The following ZNF385D variants were observed in gnomAD, a reference collection of about 807,000 sequenced individuals.
The protein encoded by ZNF385D is zinc finger protein 659.
Under a neutral mutation model 35.8 loss-of-function variants are expected in ZNF385D, and 15 were observed. That is an observed-to-expected ratio of 0.42 (90% confidence interval 0.28 to 0.64). The LOEUF (loss-of-function observed/expected upper bound fraction) is 0.64, where lower values mean the gene tolerates loss of function less well. Ranked by LOEUF, ZNF385D falls within the 30% of genes least tolerant of loss-of-function variation. ZNF385D has a pLI of 0.23. For synonymous variants in ZNF385D, 212 were observed against 186.8 expected (o/e 1.13, Z -1.10); for missense variants, 474 against 494.6 (o/e 0.96, Z 0.39).
Position 22,084,142 on chromosome 3 carries a change from C to G in ZNF385D, c.325+84675G>C, listed in dbSNP as rs143094423. Among the ~76,000 whole-genome samples the G allele has an allele frequency of 5.9e-5, 9 of 152,248 alleles. No homozygotes were observed. In the East Asian group the frequency reaches 1.5e-3, roughly 26 times the overall value. On this transcript the variant is annotated intron_variant, in intron 3 of 5. Transcript: ENST00000494108. ...ACTGCAAAAACATGCCAAATTGTAA[C>G]GACCATCGTTGCTAGGAAGAAATTG...
intron 3 of ZNF385D, among the ~76,000 whole-genome samples, chr3:21,989,845 T>C (rs1392224676): frequency 6.6e-6 from 1 of 152,208 alleles, no homozygotes; most frequent in African/African-American, 2.4e-5. Context: ...CACTTTCACA[T>C]GTCTGTTGAT....
chr3:21,552,506 A>C (rs920310316), intron 3 of ZNF385D, among the ~76,000 whole-genome samples: 1 of 152,214 alleles, frequency 6.6e-6, no homozygotes, highest in Non-Finnish European at 1.5e-5. Context: ...GTAAAACATA[A>C]TTTAAAGGTT....
Position 22,040,533 on chromosome 3 carries a change from A to G in ZNF385D, c.325+128284T>C, listed in dbSNP as rs893252937. 2.6e-5 allele frequency among the ~76,000 whole-genome samples: 4 copies of G among 152,230 alleles called. No individual in the cohort carries two copies. The East Asian group carries it at 7.7e-4, about 29-fold the overall frequency. On this transcript the variant is annotated intron_variant, in intron 3 of 5. Coordinates refer to the ZNF385D transcript ENST00000494108. ...TCTAAAATGGGGAAAAATAAATTTCAGAAACTACACATTGATAAAAAGAAA... is the reference window on the plus strand; with the variant it reads ...TCTAAAATGGGGAAAAATAAATTTCGGAAACTACACATTGATAAAAAGAAA...
intron 2 of ZNF385D, among the ~76,000 whole-genome samples, chr3:22,313,052 T>C (rs1460564868): frequency 2.6e-5 from 4 of 151,996 alleles, no homozygotes; most frequent in East Asian, 1.9e-4. Flanking sequence ...ATATATACCA[T>C]GGAATACTAT....
At chr3:22,042,973 A>G (rs941674271) in intron 3 of ZNF385D, among the ~76,000 whole-genome samples, 9 of 152,138 alleles carry the variant, frequency 5.9e-5, no homozygotes, top group African/African-American at 2.2e-4. Context: ...TAATCCTCTC[A>G]TTTTTGAATC....
chr3:22,167,472 C>A (rs192945632), intron 3 of ZNF385D, among the ~76,000 whole-genome samples: 39 of 152,308 alleles, frequency 2.6e-4, no homozygotes, highest in Admixed American at 2.1e-3. Context: ...ATTCTCTACC[C>A]TTCTCACTCT....
intron 3 of ZNF385D, among the ~76,000 whole-genome samples, chr3:21,773,806 C>T (rs1436171691): frequency 6.6e-6 from 1 of 151,798 alleles, no homozygotes; most frequent in African/African-American, 2.4e-5. Flanking sequence ...AAAAGGAATG[C>T]TTTTACACTT....
chr3:22,025,242 T>G (rs7646733), intron 3 of ZNF385D, among the ~76,000 whole-genome samples: 5,094 of 152,268 alleles, frequency 0.033, 297 homozygotes, highest in African/African-American at 0.12. Context: ...ACATAAACTA[T>G]GCACTGCCTG....
At chr3:22,078,671 C>T (rs1477384656) in intron 3 of ZNF385D, among the ~76,000 whole-genome samples, 4 of 152,018 alleles carry the variant, frequency 2.6e-5, no homozygotes, top group Non-Finnish European at 5.9e-5. Context: ...TGATGGCAAT[C>T]AGTGTGTTTT....
intron 1 of ZNF385D, among the ~76,000 whole-genome samples, chr3:21,737,590 G>T (rs745662096): frequency 6.6e-6 from 1 of 152,068 alleles, no homozygotes; most frequent in Non-Finnish European, 1.5e-5. Context: ...ACCTATGGTG[G>T]TTGGTGGGGG....
At chr3:22,225,318 T>C (rs1300121049) in intron 2 of ZNF385D, among the ~76,000 whole-genome samples, 1 of 152,112 alleles carries the variant, frequency 6.6e-6, no homozygotes, top group Non-Finnish European at 1.5e-5. Context: ...TGAGGTCCAT[T>C]TGTCAGGGCA....
intron 3 of ZNF385D, among the ~76,000 whole-genome samples, chr3:21,904,780 A>G (rs1699589268): frequency 6.6e-6 from 1 of 152,162 alleles, no homozygotes; most frequent in Non-Finnish European, 1.5e-5. Flanking sequence ...AAAATGAGAA[A>G]ATGTTTGCAT....
intron 4 of ZNF385D, among the ~76,000 whole-genome samples, chr3:21,442,086 G>A (rs756413843): frequency 2.1e-4 from 32 of 152,058 alleles, no homozygotes; most frequent in Non-Finnish European, 3.7e-4. Context: ...TGTGACCTTC[G>A]TCTTGTATAA....
At chr3:22,310,857 T>C (rs1205179558) in intron 2 of ZNF385D, among the ~76,000 whole-genome samples, 2 of 151,930 alleles carry the variant, frequency 1.3e-5, no homozygotes, top group African/African-American at 4.8e-5. Flanking sequence ...ACTTTTTTGA[T>C]TTGTAAGTAC....
intron 3 of ZNF385D, among the ~76,000 whole-genome samples, chr3:21,928,005 C>T (rs1236611936): frequency 6.6e-6 from 1 of 152,094 alleles, no homozygotes; most frequent in Non-Finnish European, 1.5e-5. Context: ...AGGAAGTTCA[C>T]TTGAGCACAG....
intron 2 of ZNF385D, among the ~76,000 whole-genome samples, chr3:22,286,860 G>A (rs1312459522): frequency 6.6e-6 from 1 of 152,052 alleles, no homozygotes; most frequent in Non-Finnish European, 1.5e-5. Flanking sequence ...TTGTTGTTGG[G>A]TGGAATGTCC....
intron 3 of ZNF385D, among the ~76,000 whole-genome samples, chr3:21,810,649 G>C (rs1161597833): frequency 1.3e-5 from 2 of 151,950 alleles, no homozygotes; most frequent in African/African-American, 2.4e-5. Flanking sequence ...GGAGAGTACT[G>C]AGATTAAAGC....
At position 21,917,139 on chromosome 3, in the gene ZNF385D, C is replaced by CTT. The variant is rs1700227407; in HGVS notation, c.325+251677_325+251678insAA. On this transcript the variant is annotated intron_variant, in intron 3 of 5. Transcript: ENST00000494108. ...ACAAGATATTTTGGAGAAACAAAAT[C>CTT]GTGGAAGTCTGGCCTGGTGCGGTGG... Among the ~76,000 whole-genome samples the CTT allele has an allele frequency of 3.9e-5, 6 of 152,100 alleles. No homozygotes were observed. The South Asian group carries it at 1.2e-3, about 32-fold the overall frequency.
At chr3:21,429,427 C>T (rs56073446) in intron 5 of ZNF385D, among the ~76,000 whole-genome samples, 11 of 151,892 alleles carry the variant, frequency 7.2e-5, no homozygotes, top group Admixed American at 4.6e-4. Context: ...TGTAATACAT[C>T]GAGATGATAT....
Sources: gnomAD v4.1 joint callset for allele counts (sites outside exome capture counted in the v4.1 genomes callset) on GRCh38, gnomAD v4.1.1 for gene constraint, MANE v1.5 for transcripts, NCBI Gene and HGNC (gene_info 2026-07-23, HGNC 2026-07-21) for gene names.